The following PPP2R3B variants were observed in gnomAD, a reference collection of about 807,000 sequenced individuals.
PPP2R3B encodes the protein serine/threonine-protein phosphatase 2A regulatory subunit B'' subunit beta.
In PPP2R3B, 68 loss-of-function variants were observed where a neutral mutation model predicts 72.9. The ratio of observed to expected loss-of-function variants is 0.93; its 90% CI spans 0.77 to 1.14. The LOEUF is 1.14. Among genes scored for constraint, PPP2R3B ranks in the 50% most tolerant of loss-of-function variants. The pLI is 0.00. For missense variants in PPP2R3B, 1,018 were observed against 842.0 expected, an observed-to-expected ratio of 1.21 and a Z score of -2.59; for synonymous variants, 466 against 375.8, an observed-to-expected ratio of 1.24 and a Z score of -2.78.
chrX:346,041 A>AGGTGGGGGTGGGGGTGGG (rs1207199896), intron 6 of PPP2R3B, 133 bp downstream of exon 6: 73 of 465,550 alleles, frequency 1.6e-4, no homozygotes, highest in East Asian at 8.1e-4. Flanking sequence ...AGCGCGGTGG[A>AGGTGGGGGTGGGGGTGGG]GGTGGGGGTG....
At chrX:357,579 G>C (rs1318290341) in intron 2 of PPP2R3B, among the ~76,000 whole-genome samples, 5 of 152,198 alleles carry the variant, frequency 3.3e-5, no homozygotes, top group Non-Finnish European at 4.4e-5. Context: ...GTATGATGCA[G>C]ATACGATCAA....
intron 12 of PPP2R3B, chrX:335,665 G>A (rs1352757675): frequency 3.3e-5 from 5 of 152,252 alleles, no homozygotes; most frequent in African/African-American, 1.2e-4. Context: ...AAGGAAAACA[G>A]CAGAACAAAG....
At chrX:350,699 G>A (rs2071312018) in intron 2 of PPP2R3B, among the ~76,000 whole-genome samples, 2 of 152,226 alleles carry the variant, frequency 1.3e-5, no homozygotes, top group African/African-American at 2.4e-5. Context: ...GACTGAAGAC[G>A]CCAGGTCCCG....
chrX:363,735 C>T (rs1374576894), intron 1 of PPP2R3B, among the ~76,000 whole-genome samples: 71 of 152,090 alleles, frequency 4.7e-4, no homozygotes, highest in African/African-American at 1.5e-3. Flanking sequence ...ATTCCCGCAG[C>T]GGCGCCTTCC....
chrX:359,411 CT>C (rs1240420755), intron 2 of PPP2R3B, among the ~76,000 whole-genome samples: 1 of 152,236 alleles, frequency 6.6e-6, no homozygotes, highest in African/African-American at 2.4e-5. Flanking sequence ...GCTGTAACTA[CT>C]TTTGGCAAGT....
At position 345,218 on chromosome X, in the gene PPP2R3B, A is replaced by G. The variant is rs1392603336; in HGVS notation, c.1036+298T>C. 2.0e-5 allele frequency: 13 copies of G among 634,772 alleles called. No individual in the cohort carries two copies. The Admixed American group carries it at 2.5e-4, about 12-fold the overall frequency. 39.3% of individuals were successfully genotyped at this position (634,772 alleles called of 1,614,324 possible). On this transcript the variant is annotated intron_variant, in intron 7 of 12. Transcript: ENST00000390665. ...CGCCCTTGCTCGGGTGTTAACAAGG[A>G]AGCCCCACAGCGCTGCTGGCCCTCG...
chrX:345,720 C>T, intron 6 of PPP2R3B, 48 bp from the exon 7 acceptor site: 1 of 1,596,690 alleles, frequency 6.3e-7, no homozygotes, highest in Non-Finnish European at 8.5e-7. Context: ...TGCGGGGATG[C>T]CCCAAGTCCG....
intron 2 of PPP2R3B, among the ~76,000 whole-genome samples, chrX:353,709 G>A (rs1166291183): frequency 6.6e-6 from 1 of 152,268 alleles, no homozygotes; most frequent in East Asian, 1.9e-4. Context: ...CATAGGAGAA[G>A]TGTGACACTG....
chrX:356,577 C>T (rs2738389), intron 2 of PPP2R3B, among the ~76,000 whole-genome samples: 20,487 of 152,128 alleles, frequency 0.13, 1,811 homozygotes, highest in Admixed American at 0.22. Flanking sequence ...TGAGGCAGAG[C>T]TCACCTCTGC....
chrX:344,549 G>A (rs1215256433), intron 7 of PPP2R3B, among the ~76,000 whole-genome samples: 1 of 152,246 alleles, frequency 6.6e-6, no homozygotes, highest in African/African-American at 2.4e-5. Context: ...CCAGAGGAAC[G>A]CGGAAAGCTG....
intron 12 of PPP2R3B, chrX:336,632 C>T (rs2070896305): frequency 6.6e-6 from 1 of 152,228 alleles, no homozygotes; most frequent in Non-Finnish European, 1.5e-5. Flanking sequence ...GCTGTCCACG[C>T]AGAAAACCCC....
intron 12 of PPP2R3B, chrX:334,972 AC>A (rs1430260917): frequency 6.3e-6 from 1 of 159,302 alleles, no homozygotes. Context: ...CGAGGACTGG[AC>A]GCGCGCCTTC....
At chrX:371,705 G>A (rs915755521) in intron 1 of PPP2R3B, among the ~76,000 whole-genome samples, 2 of 152,092 alleles carry the variant, frequency 1.3e-5, no homozygotes, top group Non-Finnish European at 2.9e-5. Flanking sequence ...CAACACGGGT[G>A]CTCCCTGACA....
chrX:376,356 G>C (rs1451973494), intron 1 of PPP2R3B, among the ~76,000 whole-genome samples: 3 of 152,134 alleles, frequency 2.0e-5, no homozygotes, highest in Admixed American at 6.5e-5. Context: ...TGCAGAACCC[G>C]CACCACCCGC....
chrX:359,863 G>C (rs752557604), intron 2 of PPP2R3B: 12 of 515,006 alleles, frequency 2.3e-5, no homozygotes, highest in Non-Finnish European at 4.6e-5. Context: ...AAACAGCACA[G>C]ACAGGGACAG....
chrX:346,364 G>A lies in PPP2R3B; in HGVS notation c.793-104C>T. ...GAGGGGCGCGCCCTTGGTCTCAGCC[G>A]CACGGGGCCGCCAGGGCACAGGCGG... On this transcript the variant is annotated intron_variant, in intron 5 of 12. Coordinates refer to ENST00000390665, the MANE Select transcript of PPP2R3B (RefSeq NM_013239.5). The A allele has an allele frequency of 2.6e-6, 3 of 1,136,846 alleles. No individual in the cohort carries two copies. In the South Asian group the frequency reaches 4.1e-5, roughly 16 times the overall value. 70.4% of individuals were successfully genotyped at this position (1,136,846 alleles called of 1,614,324 possible).
At position 338,738 on chromosome X, in the gene PPP2R3B, C is replaced by CGGCGT. The variant is rs776303580; in HGVS notation, c.1471-33_1471-29dup. On this transcript the variant is annotated intron_variant, in intron 11 of 12. Coordinates refer to ENST00000390665, the MANE Select transcript of PPP2R3B (RefSeq NM_013239.5). ...GGAGGAAGCACACGGGTTACGTACACGGCGTGGCGCGGCCCGGCCCGCGTG... is the reference window on the plus strand; with the variant it reads ...GGAGGAAGCACACGGGTTACGTACACGGCGTGGCGTGGCGCGGCCCGGCCCGCGTG... 2.5e-6 allele frequency: 4 copies of CGGCGT among 1,611,702 alleles called. No individual in the cohort carries two copies. In the East Asian group the frequency reaches 6.7e-5, roughly 27 times the overall value.
chrX:384,159 G>T (rs139256228), intron 1 of PPP2R3B, among the ~76,000 whole-genome samples: 110 of 152,112 alleles, frequency 7.2e-4, no homozygotes, highest in African/African-American at 2.2e-3. Context: ...ATTCACTAGA[G>T]ACCTCTGCAG....
intron 2 of PPP2R3B, among the ~76,000 whole-genome samples, chrX:357,956 G>T (rs1472804561): frequency 6.6e-6 from 1 of 152,186 alleles, no homozygotes; most frequent in East Asian, 1.9e-4. Flanking sequence ...CACGGCCACG[G>T]CTAAGATCCA....
Sources: gnomAD v4.1 joint callset for allele counts (sites outside exome capture counted in the v4.1 genomes callset) on GRCh38, gnomAD v4.1.1 for gene constraint, MANE v1.5 for transcripts, NCBI Gene and HGNC (gene_info 2026-07-23, HGNC 2026-07-21) for gene names.